SMYD3: variants seen among roughly 807,000 people sequenced by gnomAD.
SMYD3 encodes histone-lysine N-methyltransferase SMYD3.
Under a neutral mutation model 57.7 loss-of-function variants are expected in SMYD3, and 36 were observed. The observed-to-expected ratio is 0.62, with a 90% CI of 0.48 to 0.82. SMYD3 has a LOEUF of 0.82. SMYD3 is among the 40% of genes least tolerant of loss of function. The pLI, the probability that SMYD3 is intolerant of heterozygous loss-of-function variation, is 0.00. For missense variants in SMYD3, 515 were observed against 538.8 expected, an observed-to-expected ratio of 0.96 and a Z score of 0.44; for synonymous variants, 211 against 195.0, an observed-to-expected ratio of 1.08 and a Z score of -0.68.
intron 5 of SMYD3, among the ~76,000 whole-genome samples, chr1:246,235,763 A>G (rs2063504860): frequency 6.6e-6 from 1 of 152,104 alleles, no homozygotes; most frequent in South Asian, 2.1e-4. Flanking sequence ...GGGTCTTTTC[A>G]AGGGGTTCAC....
At chr1:245,811,736 T>C (rs1159803981) in intron 10 of SMYD3, among the ~76,000 whole-genome samples, 2 of 152,192 alleles carry the variant, frequency 1.3e-5, no homozygotes, top group Non-Finnish European at 2.9e-5. Context: ...ATAACCACTA[T>C]TTCTTGAAAG....
At chr1:246,195,023 C>T (rs1442236908) in intron 5 of SMYD3, among the ~76,000 whole-genome samples, 1 of 152,184 alleles carries the variant, frequency 6.6e-6, no homozygotes, top group African/African-American at 2.4e-5. Flanking sequence ...CTGAGAGCTC[C>T]AGTCTTTTAC....
intron 1 of SMYD3, among the ~76,000 whole-genome samples, chr1:246,458,675 C>T (rs1281110991): frequency 1.5e-5 from 2 of 129,154 alleles, no homozygotes; most frequent in Admixed American, 1.9e-4. Flanking sequence ...ATTATGTTAG[C>T]CAGGATGGTC....
chr1:246,208,908 T>C lies in SMYD3; in HGVS notation c.531+118293A>G, dbSNP rs183820155. Among the ~76,000 whole-genome samples, 99 of 152,294 alleles carry C rather than the reference T, an allele frequency of 6.5e-4. 2 individuals are homozygous for C. The South Asian group carries it at 8.9e-3, about 14-fold the overall frequency. On this transcript the variant is annotated intron_variant, in intron 5 of 11. Coordinates refer to ENST00000490107, the MANE Select transcript of SMYD3 (RefSeq NM_001167740.2). Reference sequence around the variant, plus strand: ...TCCACTCAAGCATAATTCATTTTGATCTTTACTACTGGATTCAGCTAAAGG... The same window carrying C: ...TCCACTCAAGCATAATTCATTTTGACCTTTACTACTGGATTCAGCTAAAGG...
At chr1:246,488,843 G>A (rs932085947) in intron 1 of SMYD3, among the ~76,000 whole-genome samples, 10 of 152,170 alleles carry the variant, frequency 6.6e-5, no homozygotes, top group African/African-American at 9.7e-5. Context: ...AAAGGAATGC[G>A]TCTCCATCCT....
intron 10 of SMYD3, among the ~76,000 whole-genome samples, chr1:245,779,182 G>T (rs79022244): frequency 2.0e-5 from 3 of 146,870 alleles, no homozygotes; most frequent in Admixed American, 6.8e-5. Flanking sequence ...AAAAAAAAAA[G>T]AAAAAGAAAA....
chr1:245,843,524 GA>G (rs1432670527), intron 10 of SMYD3, among the ~76,000 whole-genome samples: 3 of 119,280 alleles, frequency 2.5e-5, no homozygotes, highest in Non-Finnish European at 4.9e-5. Context: ...TCATATACAT[GA>G]ATGTGTATAT....
chr1:245,929,941 T>C lies in SMYD3; in HGVS notation c.532-4A>G, dbSNP rs1384656283. 1 of 1,612,920 alleles carries C rather than the reference T, an allele frequency of 6.2e-7. No homozygotes were observed. The highest frequency in any genetic ancestry group is 8.5e-7 in the Non-Finnish European group (1 of 1,179,096). On this transcript the variant is annotated splice_region_variant and splice_polypyrimidine_tract_variant and intron_variant, in intron 5 of 11. Transcript: ENST00000490107. ...TGGTGAAAGAGTTGCAGATCACCTGTAAACACAAGGGGAACCATCAGTATT... is the reference window on the plus strand; with the variant it reads ...TGGTGAAAGAGTTGCAGATCACCTGCAAACACAAGGGGAACCATCAGTATT...
At chr1:246,036,539 C>CTTTTTTTTTTTT (rs59062672) in intron 5 of SMYD3, among the ~76,000 whole-genome samples, 21 of 144,958 alleles carry the variant, frequency 1.4e-4, no homozygotes, top group South Asian at 2.2e-4. Context: ...TTCTTTCTCT[C>CTTTTTTTTTTTT]TTTTTTTTTT....
At chr1:245,884,390 G>A (rs2052964641) in intron 8 of SMYD3, among the ~76,000 whole-genome samples, 1 of 152,132 alleles carries the variant, frequency 6.6e-6, no homozygotes, top group African/African-American at 2.4e-5. Context: ...TCTTCTGCAG[G>A]GACAGAGAGG....
intron 1 of SMYD3, among the ~76,000 whole-genome samples, chr1:246,481,861 A>C (rs928812700): frequency 6.6e-6 from 1 of 151,554 alleles, no homozygotes; most frequent in East Asian, 1.9e-4. Context: ...GTTCAAAAAA[A>C]TTCCATAACT....
chr1:245,920,452 T>C (rs1176299846), intron 7 of SMYD3, among the ~76,000 whole-genome samples: 1 of 152,220 alleles, frequency 6.6e-6, no homozygotes, highest in Non-Finnish European at 1.5e-5. Flanking sequence ...AAATGTCACT[T>C]CTTTTTAAAG....
At chr1:246,224,652 G>A (rs1303284312) in intron 5 of SMYD3, among the ~76,000 whole-genome samples, 1 of 151,948 alleles carries the variant, frequency 6.6e-6, no homozygotes, top group Non-Finnish European at 1.5e-5. Context: ...AGGAAGGACA[G>A]AAGGAAGACT....
At chr1:245,931,659 C>T (rs952433104) in intron 5 of SMYD3, among the ~76,000 whole-genome samples, 1 of 152,150 alleles carries the variant, frequency 6.6e-6, no homozygotes, top group Non-Finnish European at 1.5e-5. Context: ...AGAGGCTAAA[C>T]ATTTGAGATG....
rs546442745 is a variant in SMYD3, at chr1:246,045,099, A to C, written c.532-115162T>G. 2.0e-4 allele frequency among the ~76,000 whole-genome samples: 30 copies of C among 152,332 alleles called. 1 individual carries two copies. The East Asian group carries it at 5.4e-3, about 27-fold the overall frequency. On this transcript the variant is annotated intron_variant, in intron 5 of 11. Transcript: ENST00000490107. ...TCAATGCCATCCCCATCAAGCTACCAATGACTTTCTTCACAGAATTGGAAA... is the reference window on the plus strand; with the variant it reads ...TCAATGCCATCCCCATCAAGCTACCCATGACTTTCTTCACAGAATTGGAAA...
At chr1:245,851,022 G>A (rs2050945685) in intron 10 of SMYD3, among the ~76,000 whole-genome samples, 1 of 152,104 alleles carries the variant, frequency 6.6e-6, no homozygotes, top group Admixed American at 6.5e-5. Context: ...CTCTATATGA[G>A]GCTTTAAAAT....
chr1:246,494,657 A>C (rs2068328156), intron 1 of SMYD3, among the ~76,000 whole-genome samples: 1 of 152,220 alleles, frequency 6.6e-6, no homozygotes. Context: ...TCATTGGTAC[A>C]ACATAAATCT....
At chr1:246,136,636 T>C (rs761029744) in intron 5 of SMYD3, among the ~76,000 whole-genome samples, 1 of 152,066 alleles carries the variant, frequency 6.6e-6, no homozygotes, top group Non-Finnish European at 1.5e-5. Context: ...TAACAACCAG[T>C]AGGCAAGATA....
At chr1:245,869,377 C>A (rs911333029) in intron 8 of SMYD3, among the ~76,000 whole-genome samples, 1 of 152,178 alleles carries the variant, frequency 6.6e-6, no homozygotes, top group African/African-American at 2.4e-5. Flanking sequence ...TGACCCCGGG[C>A]AAGTCTTCCT....
Sources: gnomAD v4.1 joint callset for allele counts (sites outside exome capture counted in the v4.1 genomes callset) on GRCh38, gnomAD v4.1.1 for gene constraint, MANE v1.5 for transcripts, NCBI Gene and HGNC (gene_info 2026-07-23, HGNC 2026-07-21) for gene names.